Variants in DOCK1 observed in about 807,000 individuals in gnomAD.
DOCK1 encodes the protein dedicator of cytokinesis protein 1.
A neutral mutation model predicts 262.7 loss-of-function variants in DOCK1; 138 were observed. That is an observed-to-expected ratio of 0.53 (90% confidence interval 0.46 to 0.61). The LOEUF (loss-of-function observed/expected upper bound fraction) is 0.61, where lower values mean the gene tolerates loss of function less well. DOCK1 is among the 20% of genes least tolerant of loss of function. DOCK1 has a pLI of 0.00. For missense variants in DOCK1, 1,908 were observed against 2,370.7 expected (o/e 0.80, Z 4.05); for synonymous variants, 866 against 867.4 (o/e 1.00, Z 0.03).
intron 1 of DOCK1, among the ~76,000 whole-genome samples, chr10:126,915,730 C>T (rs1468675529): frequency 2.0e-5 from 3 of 152,130 alleles, no homozygotes; most frequent in Non-Finnish European, 4.4e-5. Flanking sequence ...GGATTACAGG[C>T]GTGAGCCACC....
intron 22 of DOCK1, among the ~76,000 whole-genome samples, chr10:127,058,380 T>C (rs951067): frequency 0.46 from 69,971 of 151,672 alleles, 16,484 homozygotes; most frequent in Middle Eastern, 0.57. Context: ...TCCATCCTTT[T>C]ATTTTCATGC....
chr10:127,248,336 G>A (rs1004248128), intron 28 of DOCK1, among the ~76,000 whole-genome samples: 2 of 152,178 alleles, frequency 1.3e-5, no homozygotes, highest in Non-Finnish European at 2.9e-5. Context: ...TGACTCAGGG[G>A]CTGAGCCCAG....
intron 23 of DOCK1, among the ~76,000 whole-genome samples, chr10:127,089,973 T>G (rs988623406): frequency 6.6e-6 from 1 of 152,316 alleles, no homozygotes; most frequent in African/African-American, 2.4e-5. Context: ...TTAAATCACA[T>G]GATGTAAAAT....
chr10:127,409,720 C>T (rs1320587659), intron 42 of DOCK1, among the ~76,000 whole-genome samples: 1 of 152,194 alleles, frequency 6.6e-6, no homozygotes, highest in Non-Finnish European at 1.5e-5. Flanking sequence ...GGGAACTTCA[C>T]AGCAGTGCAC....
intron 33 of DOCK1, among the ~76,000 whole-genome samples, chr10:127,369,924 C>G (rs2065118685): frequency 6.6e-6 from 1 of 152,186 alleles, no homozygotes; most frequent in Non-Finnish European, 1.5e-5. Flanking sequence ...GGACCAGTCA[C>G]TTGTAGGATG....
chr10:127,041,578 G>C (rs1232612540), intron 19 of DOCK1, among the ~76,000 whole-genome samples: 1 of 152,156 alleles, frequency 6.6e-6, no homozygotes, highest in East Asian at 1.9e-4. Context: ...AGATGGCCAG[G>C]AATGAAACTG....
chr10:127,212,320 A>C (rs566161520), intron 27 of DOCK1, among the ~76,000 whole-genome samples: 1 of 152,336 alleles, frequency 6.6e-6, no homozygotes, highest in African/African-American at 2.4e-5. Flanking sequence ...ATCGTGTGAC[A>C]ACACTGGCTG....
chr10:126,995,569 C>T lies in DOCK1; in HGVS notation c.474-1179C>T, dbSNP rs1450183073. Among the ~76,000 whole-genome samples the T allele has an allele frequency of 2.0e-5, 3 of 152,188 alleles. No homozygotes were observed. The highest frequency in any genetic ancestry group is 4.4e-5 in the Non-Finnish European group (3 of 68,044). On this transcript the variant is annotated intron_variant, in intron 6 of 51. Coordinates refer to ENST00000623213, the MANE Select transcript of DOCK1 (RefSeq NM_001290223.2). The surrounding 1 kb of genome is among the most constrained non-coding windows in gnomAD (Gnocchi z 5.8). ...GCAGGAGAATCAGGCAGGGAGGCTGCAGTGAGCCGAGATGGCGGCAGTACA... is the reference window on the plus strand; with the variant it reads ...GCAGGAGAATCAGGCAGGGAGGCTGTAGTGAGCCGAGATGGCGGCAGTACA...
intron 27 of DOCK1, among the ~76,000 whole-genome samples, chr10:127,131,408 G>A (rs1258589259): frequency 6.6e-6 from 1 of 152,260 alleles, no homozygotes; most frequent in East Asian, 1.9e-4. Context: ...TTTATAAAAT[G>A]CAGCTGTCTT....
Position 127,175,596 on chromosome 10 carries a change from T to C in DOCK1, c.2847+47832T>C, listed in dbSNP as rs771951257. 8.2e-5 allele frequency: 132 copies of C among 1,612,418 alleles called. No individual in the cohort carries two copies. The highest frequency in any genetic ancestry group is 1.1e-4 in the Non-Finnish European group (128 of 1,179,910). On this transcript the variant is annotated intron_variant, in intron 27 of 51. Coordinates refer to ENST00000623213, the MANE Select transcript of DOCK1 (RefSeq NM_001290223.2). This position sits in a 1 kb window ranked among gnomAD's most constrained non-coding sequence, Gnocchi z 6.3. Reference sequence around the variant, plus strand: ...GGCTGCAGAGTCTGACAAACCAGGCTCGGGGGCCCTGGCACTGAGGGCAGG... The same window carrying C: ...GGCTGCAGAGTCTGACAAACCAGGCCCGGGGGCCCTGGCACTGAGGGCAGG...
At chr10:126,954,581 A>G (rs2036581635) in intron 1 of DOCK1, among the ~76,000 whole-genome samples, 1 of 152,054 alleles carries the variant, frequency 6.6e-6, no homozygotes, top group Non-Finnish European at 1.5e-5. Context: ...ATTAAACACT[A>G]ACTCCCATTC....
At chr10:127,225,496 G>A (rs532493158) in intron 27 of DOCK1, among the ~76,000 whole-genome samples, 1 of 152,276 alleles carries the variant, frequency 6.6e-6, no homozygotes, top group East Asian at 1.9e-4. Context: ...CCTTTTCCTT[G>A]TTTAGACTCT....
intron 27 of DOCK1, among the ~76,000 whole-genome samples, chr10:127,224,110 G>A (rs185077653): frequency 9.2e-5 from 14 of 152,204 alleles, no homozygotes; most frequent in African/African-American, 3.1e-4. Context: ...ATATAGACAT[G>A]CTCTTTCTTA....
intron 6 of DOCK1, among the ~76,000 whole-genome samples, chr10:126,992,177 C>T (rs1214259618): frequency 6.6e-6 from 1 of 152,026 alleles, no homozygotes; most frequent in Non-Finnish European, 1.5e-5. Flanking sequence ...GCAGCAAAAC[C>T]CATTTCAAGA....
chr10:127,417,720 C>T (rs551102314), intron 44 of DOCK1, among the ~76,000 whole-genome samples: 6 of 152,134 alleles, frequency 3.9e-5, no homozygotes, highest in Admixed American at 2.0e-4. Flanking sequence ...GGATTACAGG[C>T]ATGCACCACC....
intron 33 of DOCK1, among the ~76,000 whole-genome samples, chr10:127,369,946 G>T (rs138287225): frequency 6.6e-6 from 1 of 152,176 alleles, no homozygotes; most frequent in Admixed American, 6.5e-5. Flanking sequence ...CAGCATGGGC[G>T]CCTAGAGCCC....
intron 33 of DOCK1, among the ~76,000 whole-genome samples, chr10:127,364,247 G>A (rs1052301459): frequency 5.3e-5 from 8 of 152,190 alleles, no homozygotes; most frequent in Admixed American, 1.3e-4. Context: ...TGCTGGAGCC[G>A]TTTCCTTTAA....
intron 35 of DOCK1, among the ~76,000 whole-genome samples, chr10:127,375,276 T>C (rs1023349333): frequency 1.3e-5 from 2 of 152,266 alleles, no homozygotes; most frequent in African/African-American, 2.4e-5. Context: ...GCTTCTCTTA[T>C]AAAGAAACAC....
chr10:127,376,962 C>G (rs1415362879), intron 35 of DOCK1, among the ~76,000 whole-genome samples: 1 of 152,180 alleles, frequency 6.6e-6, no homozygotes, highest in Non-Finnish European at 1.5e-5. Flanking sequence ...CTCTTTAATT[C>G]AGAGCCAGAC....
Sources: allele counts gnomAD v4.1 joint callset (sites outside exome capture counted in the v4.1 genomes callset), GRCh38; gene constraint gnomAD v4.1.1; non-coding constraint Gnocchi (gnomAD v3.1); transcripts MANE v1.5; gene names NCBI Gene and HGNC (gene_info 2026-07-23, HGNC 2026-07-21).